DSE: variants seen among roughly 807,000 people sequenced by gnomAD.
DSE encodes the protein dermatan-sulfate epimerase.
DSE carries 36 observed loss-of-function variants against 84.4 expected under a neutral mutation model. That is an observed-to-expected ratio of 0.43 (90% CI 0.33 to 0.56). The LOEUF is 0.56. DSE is among the 20% of genes least tolerant of loss of function. DSE has a pLI of 0.06. For missense variants in DSE, 862 were observed against 1,169.6 expected, an observed-to-expected ratio of 0.74 and a Z score of 3.84; for synonymous variants, 410 against 430.1, an observed-to-expected ratio of 0.95 and a Z score of 0.58.
intron 2 of DSE, among the ~76,000 whole-genome samples, chr6:116,312,926 A>T (rs1775774930): frequency 6.6e-6 from 1 of 152,202 alleles, no homozygotes; most frequent in East Asian, 1.9e-4. Flanking sequence ...GCAAGGCAAG[A>T]GATTAATGAG....
At chr6:116,386,566 C>G (rs1253554922) in intron 1 of DSE, among the ~76,000 whole-genome samples, 1 of 152,204 alleles carries the variant, frequency 6.6e-6, no homozygotes, top group African/African-American at 2.4e-5. Context: ...GCGTTGCTAG[C>G]CAGGGAAGCT....
At chr6:116,420,684 A>T (rs113818700) in intron 2 of DSE, among the ~76,000 whole-genome samples, 3 of 152,320 alleles carry the variant, frequency 2.0e-5, no homozygotes, top group African/African-American at 7.2e-5. Context: ...AAATTTAAAT[A>T]ATATTCTGTG....
chr6:116,435,593 T>A lies in DSE; in HGVS notation c.1125T>A (p.Asp375Glu), dbSNP rs751821081. ...CTLHTEFLWY[D>E]GSLKSVPPPD... ...TTTTCAAAATTAATTTCAGGTATGA[T>A]GGCAGCTTGAAATCGGTTCCTCCTC... The change falls in exon 6 of 6, where the codon GAT becomes GAA. Residue 375 changes from aspartate to glutamate, a missense_variant. Coordinates refer to ENST00000644252, the MANE Select transcript of DSE (RefSeq NM_013352.4). The A allele has an allele frequency of 1.3e-6, 2 of 1,570,674 alleles. No homozygotes were observed. Among genetic ancestry groups the A allele is most frequent in the South Asian group, 2.4e-5 (2 of 85,048 alleles).
intron 1 of DSE, among the ~76,000 whole-genome samples, chr6:116,392,637 C>G (rs1780982689): frequency 1.3e-5 from 2 of 152,210 alleles, no homozygotes; most frequent in East Asian, 1.9e-4. Flanking sequence ...ACATCTGTGA[C>G]AGCTGCTGGC....
exon 2 of DSE, chr6:116,258,560 TGGA>T (rs1445981009): frequency 1.3e-6 from 2 of 1,530,608 alleles, no homozygotes; most frequent in Admixed American, 3.3e-5. Context: ...GCATAGGAGT[TGGA>T]GGAGCCCTTG....
intron 1 of DSE, among the ~76,000 whole-genome samples, chr6:116,382,821 GTAAGTGAACAAATAGGA>G (rs368961536): frequency 4.6e-5 from 7 of 152,256 alleles, no homozygotes; most frequent in African/African-American, 1.7e-4. Flanking sequence ...GGGAATTGAG[GTAAGTGAACAAATAGGA>G]TCAAGTTTCC....
chr6:116,325,443 G>T (rs1459851321), intron 2 of DSE, among the ~76,000 whole-genome samples: 1 of 152,136 alleles, frequency 6.6e-6, no homozygotes, highest in Non-Finnish European at 1.5e-5. Context: ...TTCCCTTTTG[G>T]ATTAGAGGAA....
chr6:116,397,199 CT>C (rs1383636829), intron 1 of DSE, among the ~76,000 whole-genome samples: 9 of 134,932 alleles, frequency 6.7e-5, no homozygotes, highest in Non-Finnish European at 1.4e-4. Flanking sequence ...ATATTATTCT[CT>C]TTCTTTCTTT....
At chr6:116,337,622 T>C (rs765805914) in intron 2 of DSE, among the ~76,000 whole-genome samples, 24 of 151,948 alleles carry the variant, frequency 1.6e-4, no homozygotes, top group Non-Finnish European at 2.9e-4. Context: ...AAAAAATAAA[T>C]AAATGAATAA....
At chr6:116,418,703 C>G (rs571027884) in intron 2 of DSE, among the ~76,000 whole-genome samples, 14 of 152,310 alleles carry the variant, frequency 9.2e-5, no homozygotes, top group African/African-American at 3.1e-4. Context: ...TGTTCTGGCT[C>G]AGTTCTTATT....
At chr6:116,394,489 G>A (rs1781116472) in intron 1 of DSE, among the ~76,000 whole-genome samples, 1 of 151,776 alleles carries the variant, frequency 6.6e-6, no homozygotes, top group Non-Finnish European at 1.5e-5. Flanking sequence ...AGGCTAGAGT[G>A]CAGTGGCACA....
upstream of DSE, chr6:116,370,783 T>C (rs1583110503): frequency 7.2e-6 from 7 of 970,192 alleles, no homozygotes; most frequent in South Asian, 3.3e-4. Context: ...CGGTCGGGGT[T>C]CGGCCGGGGG....
chr6:116,304,205 C>T (rs925082859), intron 2 of DSE, among the ~76,000 whole-genome samples: 3 of 151,874 alleles, frequency 2.0e-5, no homozygotes, highest in Non-Finnish European at 2.9e-5. Flanking sequence ...GTTCCAGATA[C>T]GAAGTGTCAA....
intron 2 of DSE, among the ~76,000 whole-genome samples, chr6:116,274,322 G>A (rs1420764585): frequency 6.6e-6 from 1 of 152,016 alleles, no homozygotes; most frequent in Non-Finnish European, 1.5e-5. Flanking sequence ...AGCATTTTGG[G>A]AGGCCGAGGC....
chr6:116,290,132 A>G (rs1208287218), intron 2 of DSE, among the ~76,000 whole-genome samples: 1 of 152,124 alleles, frequency 6.6e-6, no homozygotes, highest in African/African-American at 2.4e-5. Context: ...GAGTATGGAT[A>G]TAAACCCAGT....
intron 1 of DSE, among the ~76,000 whole-genome samples, chr6:116,378,843 G>T (rs1461042187): frequency 1.3e-5 from 2 of 151,422 alleles, no homozygotes; most frequent in Non-Finnish European, 2.9e-5. Flanking sequence ...ATTTTCTATG[G>T]TAGAACCAGA....
At chr6:116,368,024 A>G (rs1219141307), upstream of DSE, among the ~76,000 whole-genome samples, 2 of 152,228 alleles carry the variant, frequency 1.3e-5, no homozygotes, top group African/African-American at 4.8e-5. Context: ...TGTAGACATG[A>G]ACCACAATTC....
chr6:116,318,470 C>A (rs1435214665), intron 2 of DSE, among the ~76,000 whole-genome samples: 1 of 151,762 alleles, frequency 6.6e-6, no homozygotes, highest in Non-Finnish European at 1.5e-5. Flanking sequence ...CCACTGCGCT[C>A]CAGGCTGGGC....
intron 2 of DSE, among the ~76,000 whole-genome samples, chr6:116,348,866 A>G (rs894707571): frequency 6.6e-5 from 10 of 152,116 alleles, no homozygotes; most frequent in Admixed American, 3.9e-4. Context: ...TGAGCAAACT[A>G]TCTCAAGGAC....
Sources: allele counts gnomAD v4.1 joint callset (sites outside exome capture counted in the v4.1 genomes callset), GRCh38; gene constraint gnomAD v4.1.1; transcripts MANE v1.5; gene names NCBI Gene and HGNC (gene_info 2026-07-23, HGNC 2026-07-21).